The following NCALD variants were observed in gnomAD, a reference collection of about 807,000 sequenced individuals.
NCALD encodes the protein neurocalcin-delta.
A neutral mutation model predicts 18.6 loss-of-function variants in NCALD; 10 were observed. The observed-to-expected ratio is 0.54, with a 90% CI of 0.33 to 0.91. NCALD has a LOEUF of 0.91. Ranked by LOEUF, NCALD falls within the 40% of genes least tolerant of loss-of-function variation. The probability of loss-of-function intolerance (pLI) is 0.03; values close to 1 mark genes in which losing one functional copy is unlikely to be tolerated. For missense variants in NCALD, 184 were observed against 247.6 expected, an observed-to-expected ratio of 0.74 and a Z score of 1.72; for synonymous variants, 88 against 87.4, an observed-to-expected ratio of 1.01 and a Z score of -0.04.
At chr8:101,827,339 C>A (rs752484627) in intron 4 of NCALD, among the ~76,000 whole-genome samples, 1 of 152,156 alleles carries the variant, frequency 6.6e-6, no homozygotes, top group South Asian at 2.1e-4. Context: ...TTAATTTAAT[C>A]GCCTCTGCAA....
chr8:101,746,604 A>G (rs1342962066), intron 1 of NCALD, among the ~76,000 whole-genome samples: 1 of 152,152 alleles, frequency 6.6e-6, no homozygotes. Context: ...TCAAATGTGA[A>G]GCAAAATATT....
At chr8:101,951,650 C>T (rs1399438013) in intron 2 of NCALD, among the ~76,000 whole-genome samples, 3 of 152,198 alleles carry the variant, frequency 2.0e-5, no homozygotes, top group Non-Finnish European at 1.5e-5. Flanking sequence ...TAACATTCCT[C>T]CCAGTGCCTG....
chr8:101,734,876 T>C (rs558659965), intron 1 of NCALD, among the ~76,000 whole-genome samples: 1 of 152,354 alleles, frequency 6.6e-6, no homozygotes, highest in Non-Finnish European at 1.5e-5. Context: ...TTAAGCAGAA[T>C]CTGCATTGAT....
chr8:101,737,094 C>T (rs1211383055), intron 1 of NCALD, among the ~76,000 whole-genome samples: 1 of 152,054 alleles, frequency 6.6e-6, no homozygotes, highest in Non-Finnish European at 1.5e-5. Context: ...AAAAGAAATA[C>T]AGCCACAAGG....
At chr8:101,954,586 C>CA (rs1819552195) in intron 2 of NCALD, among the ~76,000 whole-genome samples, 1 of 152,114 alleles carries the variant, frequency 6.6e-6, no homozygotes, top group African/African-American at 2.4e-5. Flanking sequence ...CAAACAAGAG[C>CA]AATTTGGACA....
chr8:101,711,789 C>T (rs898317621), intron 2 of NCALD, among the ~76,000 whole-genome samples: 1 of 152,164 alleles, frequency 6.6e-6, no homozygotes, highest in East Asian at 1.9e-4. Flanking sequence ...CCAAACTTAA[C>T]GTTTGATTGG....
chr8:102,030,721 C>T (rs1290883071), intron 1 of NCALD, among the ~76,000 whole-genome samples: 2 of 151,742 alleles, frequency 1.3e-5, no homozygotes, highest in Admixed American at 1.3e-4. Context: ...ACTAAAAATA[C>T]AAAAATTAGC....
intron 2 of NCALD, among the ~76,000 whole-genome samples, chr8:102,004,295 T>C (rs1390542981): frequency 1.3e-5 from 2 of 152,158 alleles, no homozygotes; most frequent in South Asian, 2.1e-4. Flanking sequence ...TCAAAGAGAA[T>C]AAAATACTTA....
At chr8:101,762,457 T>A (rs113253037) in intron 1 of NCALD, among the ~76,000 whole-genome samples, 3,909 of 152,242 alleles carry the variant, frequency 0.026, 172 homozygotes, top group African/African-American at 0.089. Context: ...TTCTGAAAGG[T>A]GAAAATATTT....
chr8:101,980,318 T>C (rs1820572203), intron 2 of NCALD, among the ~76,000 whole-genome samples: 1 of 152,174 alleles, frequency 6.6e-6, no homozygotes, highest in Admixed American at 6.5e-5. Flanking sequence ...GGCGTTTTAC[T>C]GAAGGGGGAG....
At chr8:102,056,699 G>C (rs952109123) in intron 1 of NCALD, among the ~76,000 whole-genome samples, 1 of 152,204 alleles carries the variant, frequency 6.6e-6, no homozygotes, top group East Asian at 1.9e-4. Flanking sequence ...TTGTTCCACT[G>C]TCCCATCCAG....
chr8:101,871,133 A>G (rs1242171565), intron 4 of NCALD, among the ~76,000 whole-genome samples: 7 of 152,114 alleles, frequency 4.6e-5, no homozygotes, highest in Non-Finnish European at 8.8e-5. Flanking sequence ...CCCAGGATAC[A>G]GTAATTGATA....
intron 1 of NCALD, among the ~76,000 whole-genome samples, chr8:102,083,282 G>A (rs796898974): frequency 6.6e-5 from 10 of 152,172 alleles, no homozygotes; most frequent in African/African-American, 2.4e-4. Context: ...ATAAATAGCA[G>A]ACCAGTATTT....
At chr8:101,976,440 C>T (rs1586856186) in intron 2 of NCALD, among the ~76,000 whole-genome samples, 1 of 152,226 alleles carries the variant, frequency 6.6e-6, no homozygotes, top group African/African-American at 2.4e-5. Context: ...CCTTCCCTCA[C>T]TCACACAGGG....
chr8:101,763,759 A>T (rs902608274), intron 1 of NCALD, among the ~76,000 whole-genome samples: 2 of 152,062 alleles, frequency 1.3e-5, no homozygotes, highest in African/African-American at 4.8e-5. Flanking sequence ...TTGCCTTCAA[A>T]CCATGACATT....
intron 1 of NCALD, among the ~76,000 whole-genome samples, chr8:102,095,626 C>T (rs1187058097): frequency 6.6e-6 from 1 of 152,092 alleles, no homozygotes; most frequent in Non-Finnish European, 1.5e-5. Context: ...AATTACTCAA[C>T]GTGTACACCC....
rs1488904785 is a variant in NCALD, at chr8:101,715,554, T to A, written c.378+3698A>T. Among the ~76,000 whole-genome samples, 18 of 151,846 alleles carry A rather than the reference T, an allele frequency of 1.2e-4. 1 individual carries two copies. Among genetic ancestry groups the A allele is most frequent in the Admixed American group, 1.2e-3 (18 of 15,230 alleles). The stretch of plus-strand genomic sequence containing the variant: ...GGCAACCTATAGAATGGGAGAAAAA[T>A]TTTGCAATCTATCCATCTGACAAAG... On this transcript the variant is annotated intron_variant, in intron 2 of 3. Coordinates refer to ENST00000220931, the MANE Select transcript of NCALD (RefSeq NM_032041.3).
chr8:101,890,077 A>G (rs928243248), intron 3 of NCALD, among the ~76,000 whole-genome samples: 9 of 152,226 alleles, frequency 5.9e-5, no homozygotes, highest in Admixed American at 5.9e-4. Context: ...AGGCAAAAAC[A>G]CAAGCCAATA....
rs574117629 is a variant in NCALD at position 101,968,288 on chromosome 8, T to G, written c.-157+51949A>C. On this transcript the variant is annotated intron_variant, in intron 2 of 6. Transcript: ENST00000311028. The stretch of plus-strand genomic sequence containing the variant: ...CAAAAACTGGAAATAAATGGCCAAC[T>G]TTAAAGGGCAGTTTTTCTTAAAAGA... 2.0e-5 allele frequency among the ~76,000 whole-genome samples: 3 copies of G among 152,216 alleles called. No homozygotes were observed. In the East Asian group the frequency reaches 5.8e-4, roughly 29 times the overall value.
Sources: allele counts gnomAD v4.1 joint callset (sites outside exome capture counted in the v4.1 genomes callset), GRCh38; gene constraint gnomAD v4.1.1; transcripts MANE v1.5; gene names NCBI Gene and HGNC (gene_info 2026-07-23, HGNC 2026-07-21).